MGAT4D: variants seen among roughly 807,000 people sequenced by gnomAD.
MGAT4D encodes the protein alpha-1,3-mannosyl-glycoprotein 4-beta-N-acetylglucosaminyltransferase-like protein MGAT4D.
A neutral mutation model predicts 15.9 loss-of-function variants in MGAT4D; 34 were observed. The ratio of observed to expected loss-of-function variants is 2.14; its 90% CI spans 1.62 to 2.84. MGAT4D has a LOEUF of 2.84. Among genes scored for constraint, MGAT4D ranks in the 30% most tolerant of loss-of-function variants. The probability of loss-of-function intolerance (pLI) is 0.00; values close to 1 mark genes in which losing one functional copy is unlikely to be tolerated. For missense variants in MGAT4D, 327 were observed against 140.2 expected, an observed-to-expected ratio of 2.33 and a Z score of -6.73; for synonymous variants, 112 against 48.2, an observed-to-expected ratio of 2.33 and a Z score of -5.49.
At chr4:140,460,789 A>G (rs944814842) in intron 7 of MGAT4D, among the ~76,000 whole-genome samples, 1 of 152,190 alleles carries the variant, frequency 6.6e-6, no homozygotes, top group Non-Finnish European at 1.5e-5. Flanking sequence ...AGAGCAAGAC[A>G]TTGTCTCAAA....
rs187343506 is a variant in MGAT4D, at chr4:140,447,685, G to A, written c.1116+3725C>T. Among the ~76,000 whole-genome samples the A allele has an allele frequency of 2.6e-4, 39 of 152,224 alleles. 2 individuals are homozygous for A. Among genetic ancestry groups the A allele is most frequent in the Non-Finnish European group, 8.8e-5 (6 of 68,020 alleles). ...GCTTGCCACTCTGCCTTTTAAGTGA[G>A]GGATTTAGCCTATTTACATTCAAGA... On this transcript the variant is annotated intron_variant, in intron 10 of 10. Coordinates refer to ENST00000511113, the MANE Select transcript of MGAT4D (RefSeq NM_001277353.2).
intron 3 of MGAT4D, among the ~76,000 whole-genome samples, chr4:140,478,493 A>G (rs1732485067): frequency 6.6e-6 from 1 of 152,210 alleles, no homozygotes; most frequent in Non-Finnish European, 1.5e-5. Context: ...ATATGCATGT[A>G]TATGTATATA....
chr4:140,445,691 G>A (rs1463722419), intron 10 of MGAT4D, among the ~76,000 whole-genome samples: 2 of 152,138 alleles, frequency 1.3e-5, no homozygotes, highest in Admixed American at 1.3e-4. Context: ...AATCCAACTT[G>A]AGTTGATTTT....
chr4:140,481,488 C>T (rs971917114), intron 2 of MGAT4D, among the ~76,000 whole-genome samples: 24 of 152,198 alleles, frequency 1.6e-4, no homozygotes, highest in African/African-American at 5.8e-4. Flanking sequence ...AACTTCTCTT[C>T]ATACCAAACA....
chr4:140,488,457 TTATAA>T (rs1733286756), intron 1 of MGAT4D, among the ~76,000 whole-genome samples: 1 of 152,206 alleles, frequency 6.6e-6, no homozygotes, highest in South Asian at 2.1e-4. Context: ...ACTTTACTAA[TTATAA>T]TATATTGTTA....
chr4:140,450,409 T>C (rs1026663227), intron 10 of MGAT4D, among the ~76,000 whole-genome samples: 2 of 152,232 alleles, frequency 1.3e-5, no homozygotes, highest in Non-Finnish European at 1.5e-5. Context: ...TCTACAGCTA[T>C]GCATTCTGAT....
In MGAT4D at chr4:140,482,467, C is replaced by T. The variant is rs757019909; in HGVS notation, c.113G>A (p.Cys38Tyr). The T allele has an allele frequency of 1.0e-4, 66 of 632,170 alleles. No individual in the cohort carries two copies. The highest frequency in any genetic ancestry group is 2.6e-4 in the Middle Eastern group (1 of 3,834). 39.2% of individuals were successfully genotyped at this position (632,170 alleles called of 1,614,324 possible). The stretch of plus-strand genomic sequence containing the variant: ...TTTAAACTCCAAAATATGGTTTCTA[C>T]AGTTAATTAATTGATTATCTGCAAT... ...ITQTNNQLIN[C>Y]RNHILEFKEN... The change falls in exon 2 of 11, where the codon TGT (cysteine) becomes TAT (tyrosine). Residue 38 changes from cysteine (C) to tyrosine (Y), a missense_variant. Transcript: ENST00000511113.
intron 1 of MGAT4D, among the ~76,000 whole-genome samples, chr4:140,487,126 G>A (rs1263302531): frequency 2.0e-5 from 3 of 152,180 alleles, no homozygotes; most frequent in African/African-American, 7.2e-5. Flanking sequence ...TCTGCTTCTT[G>A]TACATTTTTC....
At chr4:140,469,502 C>CA (rs1291547696) in intron 5 of MGAT4D, among the ~76,000 whole-genome samples, 4 of 152,178 alleles carry the variant, frequency 2.6e-5, no homozygotes, top group Admixed American at 2.6e-4. Flanking sequence ...GGCGCTCAAA[C>CA]AAGTACCCAA....
chr4:140,477,982 A>T (rs951083878), intron 3 of MGAT4D, among the ~76,000 whole-genome samples: 1 of 152,250 alleles, frequency 6.6e-6, no homozygotes, highest in Non-Finnish European at 1.5e-5. Context: ...AACAAGACTG[A>T]TGATGGATTC....
At chr4:140,489,607 C>T (rs1578720471) in intron 1 of MGAT4D, among the ~76,000 whole-genome samples, 1 of 152,096 alleles carries the variant, frequency 6.6e-6, no homozygotes, top group African/African-American at 2.4e-5. Context: ...TGGTTTTATA[C>T]CTTAATAAAT....
chr4:140,494,772 C>T (rs985491983), intron 1 of MGAT4D, among the ~76,000 whole-genome samples: 55 of 152,242 alleles, frequency 3.6e-4, no homozygotes, highest in African/African-American at 1.1e-3. Flanking sequence ...ACTGTCACAA[C>T]GGGAGAGGGG....
At chr4:140,477,177 A>C (rs1732393600) in intron 3 of MGAT4D, among the ~76,000 whole-genome samples, 1 of 152,060 alleles carries the variant, frequency 6.6e-6, no homozygotes, top group Non-Finnish European at 1.5e-5. Flanking sequence ...ACTTTCCGCT[A>C]TCCACCACCT....
chr4:140,454,091 C>T (rs1261213859), intron 9 of MGAT4D, among the ~76,000 whole-genome samples: 1 of 151,930 alleles, frequency 6.6e-6, no homozygotes, highest in African/African-American at 2.4e-5. Context: ...CTTTTCAATT[C>T]ACGTGCCTTT....
intron 10 of MGAT4D, among the ~76,000 whole-genome samples, chr4:140,446,265 C>T (rs536083443): frequency 6.6e-6 from 1 of 152,254 alleles, no homozygotes; most frequent in African/African-American, 2.4e-5. Flanking sequence ...CTTTGCACAT[C>T]TAATAGAATT....
intron 2 of MGAT4D, 87 bp downstream of exon 2, chr4:140,482,240 G>A: frequency 1.8e-6 from 1 of 550,944 alleles, no homozygotes; most frequent in Non-Finnish European, 3.2e-6. Context: ...ATATAGTTAA[G>A]TTTATAGAGA....
rs1448618763 is a variant in MGAT4D at position 140,464,755 on chromosome 4, C to T, written c.686+141G>A. 3 of 593,570 alleles carry T rather than the reference C, an allele frequency of 5.1e-6. No individual in the cohort carries two copies. In the Admixed American group the frequency reaches 8.6e-5, roughly 17 times the overall value. 36.8% of individuals were successfully genotyped at this position (593,570 alleles called of 1,614,324 possible). A position where few individuals can be genotyped will look rare whatever the true frequency, so the allele number is the denominator to read the frequency against. Reference sequence around the variant, plus strand: ...TTGAATACAGAGTTGGGAAGTGATGCACATAGTTGGGTCTTGCAACCCAGT... The same window carrying T: ...TTGAATACAGAGTTGGGAAGTGATGTACATAGTTGGGTCTTGCAACCCAGT... On this transcript the variant is annotated intron_variant, in intron 6 of 10. Coordinates refer to ENST00000511113, the MANE Select transcript of MGAT4D (RefSeq NM_001277353.2).
intron 1 of MGAT4D, among the ~76,000 whole-genome samples, chr4:140,494,464 G>A (rs1446283934): frequency 6.6e-5 from 10 of 151,982 alleles, no homozygotes; most frequent in Non-Finnish European, 2.9e-5. Context: ...TACTCCTTTT[G>A]TTCACTCCCT....
At chr4:140,471,083 G>T (rs980903466) in intron 5 of MGAT4D, among the ~76,000 whole-genome samples, 6 of 151,964 alleles carry the variant, frequency 3.9e-5, no homozygotes, top group African/African-American at 1.5e-4. Flanking sequence ...GTAGAGACGG[G>T]GTTTGGCCAT....
Sources: allele counts gnomAD v4.1 joint callset (sites outside exome capture counted in the v4.1 genomes callset), GRCh38; gene constraint gnomAD v4.1.1; transcripts MANE v1.5; gene names NCBI Gene and HGNC (gene_info 2026-07-23, HGNC 2026-07-21).